Variants in SETD5 observed in about 807,000 individuals in gnomAD.
The protein encoded by SETD5 is SET domain containing 5.
SETD5 carries 44 observed loss-of-function variants against 153.3 expected under a neutral mutation model. The ratio of observed to expected loss-of-function variants is 0.29; its 90% CI spans 0.23 to 0.37. The LOEUF (loss-of-function observed/expected upper bound fraction) is 0.37. Among genes scored for constraint, SETD5 ranks in the 10% least tolerant of loss-of-function variants. The probability of loss-of-function intolerance (pLI) is 1.00; values close to 1 mark genes in which losing one functional copy is unlikely to be tolerated. For missense variants in SETD5, 1,544 were observed against 1,768.0 expected, an observed-to-expected ratio of 0.87 and a Z score of 2.27; for synonymous variants, 716 against 645.2, an observed-to-expected ratio of 1.11 and a Z score of -1.66.
intron 2 of SETD5, 136 bp downstream of exon 2, chr3:9,424,662 T>C (rs1575307371): frequency 1.3e-5 from 2 of 152,254 alleles, no homozygotes; most frequent in Non-Finnish European, 2.9e-5. Flanking sequence ...GTGTCAGTTA[T>C]TGTTTTGGCC....
rs1165112909 is a variant in SETD5 at position 9,470,619 on chromosome 3, G to A, written c.2885G>A (p.Ser962Asn). ...PTSETGFPSR[S>N]GDGHQTLVRN... ...TCTGAGACTGGTTTCCCAAGCAGAA[G>A]TGGAGATGGACATCAGACCCTCGTG... is the stretch of plus-strand genomic sequence containing the variant. The change falls in exon 19 of 23, where the codon AGT (serine) becomes AAT (asparagine). Residue 962 changes from serine to asparagine, a missense_variant. Coordinates refer to ENST00000402198, the MANE Select transcript of SETD5 (RefSeq NM_001080517.3). 3 of 1,613,862 alleles carry A rather than the reference G, an allele frequency of 1.9e-6. No homozygotes were observed. The highest frequency in any genetic ancestry group is 2.5e-6 in the Non-Finnish European group (3 of 1,179,908).
intron 1 of SETD5, among the ~76,000 whole-genome samples, chr3:9,421,933 G>A (rs924081939): frequency 2.0e-5 from 3 of 152,114 alleles, no homozygotes; most frequent in Non-Finnish European, 4.4e-5. Context: ...ATGAATCCCA[G>A]TTTAAGGGTT....
chr3:9,445,161 C>G lies in SETD5; in HGVS notation c.1301C>G (p.Thr434Ser). ...CTACCACCTCCTCCAAGCCTACCCA[C>G]CATTGGAGCAGAGACTAGACGTAGA... ...PLLPPPPSLP[T>S]IGAETRRRKA... Residue 434 changes from threonine to serine, a missense_variant, in exon 12 of 23, where the codon ACC becomes AGC. By Grantham distance (58) the Thr-to-Ser change is moderately conservative (BLOSUM62 1). Around this residue, in one of 9 missense-constraint regions of SETD5, gnomAD observed 782 missense variants for 787.2 expected, o/e 0.99. Coordinates refer to ENST00000402198, the MANE Select transcript of SETD5 (RefSeq NM_001080517.3). The G allele has an allele frequency of 6.2e-7, 1 of 1,614,000 alleles. No individual in the cohort carries two copies. Among genetic ancestry groups the G allele is most frequent in the South Asian group, 1.1e-5 (1 of 91,084 alleles).
chr3:9,423,053 C>T (rs1241097517), intron 1 of SETD5, among the ~76,000 whole-genome samples: 1 of 152,236 alleles, frequency 6.6e-6, no homozygotes, highest in African/African-American at 2.4e-5. Context: ...TGTCTGCCAG[C>T]TGCTTCCGCC....
chr3:9,437,554 AATAT>A (rs909005415), intron 7 of SETD5, among the ~76,000 whole-genome samples: 6 of 122,514 alleles, frequency 4.9e-5, no homozygotes, highest in African/African-American at 8.8e-5. Context: ...TGTGTGTATA[AATAT>A]ATATATATGA....
At chr3:9,425,056 T>TG (rs2124978130) in intron 2 of SETD5, among the ~76,000 whole-genome samples, 1 of 95,038 alleles carries the variant, frequency 1.1e-5, no homozygotes, top group African/African-American at 5.4e-5. Flanking sequence ...ACAATGTTTC[T>TG]TTTTTTTTTT....
chr3:9,424,978 A>G (rs1297151994), intron 2 of SETD5, among the ~76,000 whole-genome samples: 1 of 152,088 alleles, frequency 6.6e-6, no homozygotes, highest in Non-Finnish European at 1.5e-5. Flanking sequence ...GAAGAATGAA[A>G]CAGTCATGTT....
At chr3:9,444,452 A>G in intron 11 of SETD5, among the ~76,000 whole-genome samples, 1 of 152,210 alleles carries the variant, frequency 6.6e-6, no homozygotes, top group East Asian at 1.9e-4. Flanking sequence ...CAAGATGAGT[A>G]TGGCCACATC....
chr3:9,464,883 A>G lies in SETD5; in HGVS notation c.2724+211A>G. 3 of 621,702 alleles carry G rather than the reference A, an allele frequency of 4.8e-6. No homozygotes were observed. The South Asian group carries it at 5.8e-5, about 12-fold the overall frequency. The allele number at this position is 621,702 out of a possible 1,614,324, so 38.5% of individuals were successfully genotyped here. On this transcript the variant is annotated intron_variant, in intron 18 of 22. Coordinates refer to ENST00000402198, the MANE Select transcript of SETD5 (RefSeq NM_001080517.3). ...TGCTTCCCAAAATAGGCATACTGCT[A>G]CCACAAATCCCATTCATGTATCTTT...
Position 9,417,088 on chromosome 3 carries a change from C to T in SETD5, c.-176-7379C>T, listed in dbSNP as rs141449419. ...ACTAGCCCAATAAGCATTAAGGAAA[C>T]CATTATTTGTAGATTTCAGATAATG... On this transcript the variant is annotated intron_variant, in intron 1 of 22. Coordinates refer to ENST00000402198, the MANE Select transcript of SETD5 (RefSeq NM_001080517.3). 2.0e-5 allele frequency among the ~76,000 whole-genome samples: 3 copies of T among 152,160 alleles called. No individual in the cohort carries two copies. The East Asian group carries it at 5.8e-4, about 29-fold the overall frequency.
chr3:9,468,827 TGGGGTTGGTTTTTGCCGTTTGG>T (rs2044946134), intron 18 of SETD5, among the ~76,000 whole-genome samples: 1 of 151,502 alleles, frequency 6.6e-6, no homozygotes, highest in Non-Finnish European at 1.5e-5. Context: ...GTGTGTTTGG[TGGGGTTGGTTTTTGCCGTTTGG>T]GGGAGGGGGT....
intron 1 of SETD5, among the ~76,000 whole-genome samples, chr3:9,399,921 C>T (rs2125395620): frequency 6.6e-6 from 1 of 151,676 alleles, no homozygotes; most frequent in African/African-American, 2.4e-5. Context: ...GTATACAAGG[C>T]AGCAGCAGCT....
chr3:9,470,420 T>C, intron 18 of SETD5, 39 bp from the exon 19 acceptor site: 1 of 1,526,768 alleles, frequency 6.5e-7, no homozygotes, highest in Non-Finnish European at 9.0e-7. Context: ...TTTTCCTTTC[T>C]CCCCTACCCC....
At chr3:9,444,689 A>G (rs1289156073) in intron 11 of SETD5, among the ~76,000 whole-genome samples, 1 of 151,842 alleles carries the variant, frequency 6.6e-6, no homozygotes, top group Admixed American at 6.6e-5. Flanking sequence ...CCAGGAGTTC[A>G]AGACCAGCCT....
intron 1 of SETD5, among the ~76,000 whole-genome samples, chr3:9,401,392 C>G (rs907630150): frequency 5.9e-5 from 9 of 152,158 alleles, no homozygotes; most frequent in African/African-American, 1.7e-4. Context: ...CTTTTGTGCT[C>G]TTGATATTAT....
chr3:9,461,932 C>T (rs1191207966), intron 17 of SETD5, among the ~76,000 whole-genome samples: 3 of 152,068 alleles, frequency 2.0e-5, no homozygotes, highest in African/African-American at 4.8e-5. Flanking sequence ...TATACCTAGG[C>T]ACTTTTTAAA....
chr3:9,434,447 T>C lies in SETD5; in HGVS notation c.291T>C (p.Leu97=). 6.2e-7 allele frequency: 1 copy of C among 1,613,996 alleles called. No homozygotes were observed. Among genetic ancestry groups the C allele is most frequent in the Non-Finnish European group, 8.5e-7 (1 of 1,179,888 alleles). Residue 97 remains leucine (L), a synonymous_variant, in exon 5 of 23, where the codon CTT becomes CTC. Transcript: ENST00000402198. The surrounding 1 kb of genome is among the most constrained non-coding windows in gnomAD (Gnocchi z 5.6). ...TACCTACCTGGTGTCCTTGTGGTCT[T>C]TCTCAGGATGGCTTCCTTCTCAACT... ...ETVPTWCPCG[L]SQDGFLLNCD... is the part of the protein sequence containing the mutation.
At chr3:9,424,946 C>T (rs748956273) in intron 2 of SETD5, among the ~76,000 whole-genome samples, 1 of 151,610 alleles carries the variant, frequency 6.6e-6, no homozygotes, top group East Asian at 1.9e-4. Context: ...GTCAAGCTAA[C>T]CTATTATGGT....
chr3:9,443,227 G>C (rs906244202), intron 10 of SETD5, 81 bp from the exon 11 acceptor site: 1 of 979,490 alleles, frequency 1.0e-6, no homozygotes. Context: ...ACTCCAAATG[G>C]AGAGAAAGTA....
Sources: allele counts gnomAD v4.1 joint callset (sites outside exome capture counted in the v4.1 genomes callset), GRCh38; gene constraint gnomAD v4.1.1; regional missense constraint gnomAD v4.1.1; non-coding constraint Gnocchi (gnomAD v3.1); transcripts MANE v1.5; gene names NCBI Gene and HGNC (gene_info 2026-07-23, HGNC 2026-07-21).